Variants in RYR1 observed in about 807,000 individuals in gnomAD.
The protein encoded by RYR1 is ryanodine receptor 1, also known as central core disease of muscle.
Under a neutral mutation model 583.5 loss-of-function variants are expected in RYR1, and 342 were observed. The ratio of observed to expected loss-of-function variants is 0.59; its 90% confidence interval spans 0.54 to 0.64. The LOEUF (loss-of-function observed/expected upper bound fraction) is 0.64, where lower values mean the gene tolerates loss of function less well. Among genes scored for constraint, RYR1 ranks in the 30% least tolerant of loss-of-function variants. The pLI, the probability that RYR1 is intolerant of heterozygous loss-of-function variation, is 0.00. For synonymous variants in RYR1, 2,791 were observed against 2,822.5 expected, an observed-to-expected ratio of 0.99 and a Z score of 0.35; for missense variants, 6,032 against 6,917.2, an observed-to-expected ratio of 0.87 and a Z score of 4.54.
At chr19:38,559,228 CT>C (rs34239565) in intron 89 of RYR1, among the ~76,000 whole-genome samples, 14,359 of 101,410 alleles carry the variant, frequency 0.14, 636 homozygotes, top group East Asian at 0.23. Context: ...AGGTGGGCTT[CT>C]TTTTTTTTTT....
intron 1 of RYR1, among the ~76,000 whole-genome samples, chr19:38,435,966 T>C (rs1194918393): frequency 6.6e-6 from 1 of 151,442 alleles, no homozygotes; most frequent in Non-Finnish European, 1.5e-5. Flanking sequence ...TGGAGTGCAA[T>C]GGCGTGATCG....
At chr19:38,438,159 C>A (rs1372968441) in intron 1 of RYR1, among the ~76,000 whole-genome samples, 1 of 151,760 alleles carries the variant, frequency 6.6e-6, no homozygotes, top group African/African-American at 2.4e-5. Context: ...GATGAGCAGG[C>A]CTGATTCCTT....
At position 38,446,481 on chromosome 19, in the gene RYR1, C is replaced by T. The variant is rs727504129; in HGVS notation, c.641C>T (p.Thr214Met). 287 of 1,613,352 alleles carry T rather than the reference C, an allele frequency of 1.8e-4. No individual in the cohort carries two copies. The highest frequency in any genetic ancestry group is 2.2e-4 in the Non-Finnish European group (255 of 1,179,410). ...CCTTGCTCCTCTCCAGGCTTCGTGA[C>T]GGGAGGTCACGTCCTCCGCCTCTTT... Reference protein sequence around the residue: ...ICSRCEEGFVTGGHVLRLFHG... With the variant: ...ICSRCEEGFVMGGHVLRLFHG... The change falls in exon 8 of 106, where the codon ACG becomes ATG. Residue 214 changes from threonine (T) to methionine (M), a missense_variant. Transcript: ENST00000359596.
chr19:38,555,076 C>G (rs144406110), intron 89 of RYR1, among the ~76,000 whole-genome samples: 1 of 152,162 alleles, frequency 6.6e-6, no homozygotes, highest in Non-Finnish European at 1.5e-5. Context: ...TTCCCCCACC[C>G]CAGCCCCCGG....
In RYR1 at chr19:38,453,015, G is replaced by A. The variant is rs1568445415; in HGVS notation, c.1440+1G>A. 1 of 1,613,560 alleles carries A rather than the reference G, an allele frequency of 6.2e-7. No homozygotes were observed. The highest frequency in any genetic ancestry group is 8.5e-7 in the Non-Finnish European group (1 of 1,179,684). ...CCGCCAGAGCCTCTTCCAGGAGGAG[G>A]TGAGGACGTGGCGAGGGCGGAGCGG... On this transcript the variant is annotated splice_donor_variant, in intron 13 of 105. Transcript: ENST00000359596. LOFTEE classifies it high-confidence loss of function.
chr19:38,570,589 TTTTCTC>T lies in RYR1; in HGVS notation c.13660-15_13660-10del, dbSNP rs1368962837. ...GCTGATCTGTGAGCGCTTTCTCTCTTTTTCTCTTCTCTCTCAGAACTACCTGTCCCG... is the reference window on the plus strand; with the variant it reads ...GCTGATCTGTGAGCGCTTTCTCTCTTTTCTCTCTCAGAACTACCTGTCCCG... On this transcript the variant is annotated splice_polypyrimidine_tract_variant and intron_variant, in intron 93 of 105. Coordinates refer to ENST00000359596, the MANE Select transcript of RYR1 (RefSeq NM_000540.3). The T allele has an allele frequency of 6.2e-7, 1 of 1,605,428 alleles. No homozygotes were observed. The highest frequency in any genetic ancestry group is 8.5e-7 in the Non-Finnish European group (1 of 1,172,284).
chr19:38,564,176 C>T (rs1359639601), intron 90 of RYR1, among the ~76,000 whole-genome samples: 1 of 152,124 alleles, frequency 6.6e-6, no homozygotes, highest in Admixed American at 6.6e-5. Context: ...GCCAGGAGTT[C>T]GACACCAGCC....
intron 28 of RYR1, among the ~76,000 whole-genome samples, chr19:38,474,244 A>C (rs1968592605): frequency 6.6e-6 from 1 of 151,936 alleles, no homozygotes; most frequent in South Asian, 2.1e-4. Context: ...TTTCCCTACA[A>C]TGGCAGTGGT....
intron 28 of RYR1, 128 bp downstream of exon 28, chr19:38,473,899 A>C: frequency 1.5e-6 from 1 of 684,844 alleles, no homozygotes. Context: ...TGGAGTAAGA[A>C]TACCGAGAGA....
At chr19:38,450,773 C>CAAAAATAAATA (rs1967032599) in intron 11 of RYR1, among the ~76,000 whole-genome samples, 1 of 150,114 alleles carries the variant, frequency 6.7e-6, no homozygotes, top group African/African-American at 2.5e-5. Flanking sequence ...AACGTGGAAA[C>CAAAAATAAATA]AATAAATAAA....
At chr19:38,511,022 G>A (rs774104072) in intron 60 of RYR1, among the ~76,000 whole-genome samples, 12 of 152,294 alleles carry the variant, frequency 7.9e-5, no homozygotes, top group Non-Finnish European at 1.2e-4. Flanking sequence ...AAGGCCGGGC[G>A]TGGTGGCTCA....
chr19:38,547,582 G>A (rs945014395), intron 88 of RYR1, among the ~76,000 whole-genome samples: 1 of 151,974 alleles, frequency 6.6e-6, no homozygotes, highest in African/African-American at 2.4e-5. Context: ...CCACTTTACT[G>A]GCTATGTAAC....
chr19:38,547,077 C>T (rs905040252), intron 88 of RYR1, among the ~76,000 whole-genome samples: 16 of 151,364 alleles, frequency 1.1e-4, no homozygotes, highest in Admixed American at 2.6e-4. Flanking sequence ...CTCGCTCTGC[C>T]GCTCAGGCTG....
In RYR1 at chr19:38,504,289, G is replaced by A. The variant is rs764987932; in HGVS notation, c.7996G>A (p.Val2666Ile). 1.3e-5 allele frequency: 21 copies of A among 1,614,124 alleles called. No individual in the cohort carries two copies. The highest frequency in any genetic ancestry group is 1.7e-5 in the Non-Finnish European group (20 of 1,180,028). ...ACCCACGGGCTGGGCCAACTTCGGGGTCACCTCAGAGGAGGAGCTGCACCT... is the reference window on the plus strand; with the variant it reads ...ACCCACGGGCTGGGCCAACTTCGGGATCACCTCAGAGGAGGAGCTGCACCT... ...CLPTGWANFGVTSEEELHLTR... is the reference protein window; with the variant it reads ...CLPTGWANFGITSEEELHLTR... Residue 2666 changes from valine (V) to isoleucine (I), a missense_variant, in exon 50 of 106, where the codon GTC becomes ATC. Coordinates refer to ENST00000359596, the MANE Select transcript of RYR1 (RefSeq NM_000540.3).
In RYR1 at chr19:38,433,863, T is replaced by A; in HGVS notation, c.34T>A (p.Phe12Ile). 1 of 1,613,204 alleles carries A rather than the reference T, an allele frequency of 6.2e-7. No individual in the cohort carries two copies. Among genetic ancestry groups the A allele is most frequent in the South Asian group, 1.1e-5 (1 of 91,050 alleles). ...CGCAGAAGGCGAAGACGAGGTCCAG[T>A]TCCTGCGGACGGTGCGTATCTCTGG... ...GDAEGEDEVQ[F>I]LRTDDEVVLQ... Residue 12 changes from phenylalanine to isoleucine, a missense_variant, in exon 1 of 106, where the codon TTC (phenylalanine) becomes ATC (isoleucine). By Grantham distance (21) the Phe-to-Ile change is conservative. Coordinates refer to ENST00000359596, the MANE Select transcript of RYR1 (RefSeq NM_000540.3).
At chr19:38,473,802 G>A (rs1312912482) in intron 28 of RYR1, 31 bp downstream of exon 28, 2 of 1,474,102 alleles carry the variant, frequency 1.4e-6, no homozygotes, top group South Asian at 1.3e-5. Flanking sequence ...AGTGGGGATT[G>A]GGGGCTGCCT....
At chr19:38,494,670 A>G (rs1321826931) in intron 39 of RYR1, 45 bp downstream of exon 39, 4 of 1,608,836 alleles carry the variant, frequency 2.5e-6, no homozygotes, top group Non-Finnish European at 3.4e-6. Context: ...CCCCTTGGGT[A>G]ATGAATACCC....
At chr19:38,569,348 G>T (rs8113330) in intron 93 of RYR1, among the ~76,000 whole-genome samples, 2,008 of 151,266 alleles carry the variant, frequency 0.013, 42 homozygotes, top group African/African-American at 0.047. Flanking sequence ...ACTGCTCCTT[G>T]CAGAGCAGGG....
At chr19:38,576,787 G>A (rs1966387) in intron 97 of RYR1, among the ~76,000 whole-genome samples, 17,218 of 152,084 alleles carry the variant, frequency 0.11, 2,030 homozygotes, top group African/African-American at 0.29. Context: ...GTGACAGAGC[G>A]AGACTCCGTC....
Sources: allele counts gnomAD v4.1 joint callset (sites outside exome capture counted in the v4.1 genomes callset), GRCh38; gene constraint gnomAD v4.1.1; transcripts MANE v1.5; gene names NCBI Gene and HGNC (gene_info 2026-07-23, HGNC 2026-07-21).